NUP214: variants seen among roughly 807,000 people sequenced by gnomAD.
The protein encoded by NUP214 is nuclear pore complex protein Nup214.
A neutral mutation model predicts 196.2 loss-of-function variants in NUP214; 79 were observed. That is an observed-to-expected ratio of 0.40 (90% CI 0.34 to 0.49). NUP214 has a LOEUF of 0.49. Ranked by LOEUF, NUP214 falls within the 20% of genes least tolerant of loss-of-function variation. The pLI, the probability that NUP214 is intolerant of heterozygous loss-of-function variation, is 0.58. For synonymous variants in NUP214, 1,020 were observed against 990.5 expected (o/e 1.03, Z -0.56); for missense variants, 2,468 against 2,539.0 (o/e 0.97, Z 0.60).
chr9:131,139,230 C>G (rs1011441623), intron 9 of NUP214, 51 bp from the exon 10 acceptor site: 2 of 1,425,674 alleles, frequency 1.4e-6, no homozygotes, highest in Non-Finnish European at 1.8e-6. Flanking sequence ...ACCAACATGG[C>G]TTTTTCTTTT....
intron 32 of NUP214, 151 bp from the exon 33 acceptor site, chr9:131,228,009 T>G: frequency 1.4e-6 from 1 of 690,574 alleles, no homozygotes; most frequent in Non-Finnish European, 2.2e-6. Context: ...GGTGTTGCCC[T>G]TTACTCTAGT....
intron 27 of NUP214, among the ~76,000 whole-genome samples, chr9:131,192,842 G>C (rs761601840): frequency 6.7e-6 from 1 of 149,750 alleles, no homozygotes; most frequent in Non-Finnish European, 1.5e-5. Flanking sequence ...TTGGGAGGCT[G>C]AGGTGGGAGG....
chr9:131,171,924 G>A (rs1472054956), intron 21 of NUP214, among the ~76,000 whole-genome samples: 1 of 152,134 alleles, frequency 6.6e-6, no homozygotes, highest in Non-Finnish European at 1.5e-5. Flanking sequence ...TGATGTATAT[G>A]TGCCACATTT....
At chr9:131,223,299 T>C (rs2131095812) in intron 32 of NUP214, among the ~76,000 whole-genome samples, 1 of 152,232 alleles carries the variant, frequency 6.6e-6, no homozygotes, top group Middle Eastern at 3.4e-3. Flanking sequence ...CCCAAGTAGC[T>C]GGGATTACAG....
intron 17 of NUP214, among the ~76,000 whole-genome samples, chr9:131,157,575 C>T (rs1003644478): frequency 6.6e-6 from 1 of 151,220 alleles, no homozygotes; most frequent in Non-Finnish European, 1.5e-5. Flanking sequence ...TGTAGTTCTC[C>T]TGCCTCAGCC....
In NUP214 at chr9:131,146,004, A is replaced by C; in HGVS notation, c.1770-125A>C. The C allele has an allele frequency of 1.1e-6, 1 of 935,434 alleles. No homozygotes were observed. The highest frequency in any genetic ancestry group is 1.6e-6 in the Non-Finnish European group (1 of 628,676). 57.9% of individuals were successfully genotyped at this position (935,434 alleles called of 1,614,324 possible). ...AAACATTTTTGTTTCCTGAAGGCAA[A>C]AAGTATGTTATCTTTGTAAGTTAAC... is the stretch of plus-strand genomic sequence containing the variant. On this transcript the variant is annotated intron_variant, in intron 12 of 35. Coordinates refer to ENST00000359428, the MANE Select transcript of NUP214 (RefSeq NM_005085.4). The surrounding 1 kb of genome is among the most constrained non-coding windows in gnomAD (Gnocchi z 4.6).
intron 17 of NUP214, chr9:131,159,060 G>A (rs1434834444): frequency 4.9e-6 from 1 of 203,842 alleles, no homozygotes; most frequent in Non-Finnish European, 9.7e-6. Context: ...TAATTATAAA[G>A]TTTTTTTATG....
At chr9:131,195,171 T>G in intron 27 of NUP214, 62 bp from the exon 28 acceptor site, 2 of 1,154,538 alleles carry the variant, frequency 1.7e-6, no homozygotes, top group Non-Finnish European at 2.6e-6. Flanking sequence ...AAATGGAATA[T>G]TAAGAGGGCA....
At chr9:131,170,357 A>T (rs1832921347) in intron 21 of NUP214, among the ~76,000 whole-genome samples, 1 of 152,132 alleles carries the variant, frequency 6.6e-6, no homozygotes, top group African/African-American at 2.4e-5. Context: ...CTCAGCCTTC[A>T]AAGGAAAGTT....
intron 33 of NUP214, 55 bp from the exon 34 acceptor site, chr9:131,230,575 T>G (rs1834846374): frequency 6.2e-7 from 1 of 1,606,422 alleles, no homozygotes; most frequent in African/African-American, 1.3e-5. Flanking sequence ...GGCTTGCAGA[T>G]GGGCAAGTGG....
intron 17 of NUP214, chr9:131,153,201 A>C (rs1832325370): frequency 6.6e-6 from 1 of 152,104 alleles, no homozygotes; most frequent in Non-Finnish European, 1.5e-5. Flanking sequence ...CTGGAATTCC[A>C]GCGGGAAGCG....
intron 23 of NUP214, 112 bp from the exon 24 acceptor site, chr9:131,178,199 T>TA: frequency 1.4e-6 from 1 of 728,580 alleles, no homozygotes. Flanking sequence ...CTTCACATGA[T>TA]AAGGCTCTAA....
chr9:131,133,303 TG>T, intron 7 of NUP214, 94 bp downstream of exon 7: 41 of 661,234 alleles, frequency 6.2e-5, no homozygotes, highest in South Asian at 1.0e-4. Flanking sequence ...TTTGTGTTTG[TG>T]TTTTTTTTTT....
At chr9:131,207,656 C>T (rs1435503039) in intron 30 of NUP214, among the ~76,000 whole-genome samples, 1 of 152,236 alleles carries the variant, frequency 6.6e-6, no homozygotes, top group Non-Finnish European at 1.5e-5. Context: ...GATACAGAGG[C>T]CGCCTCTTGC....
In NUP214 at chr9:131,198,999, C is replaced by T; in HGVS notation, c.5505C>T (p.Ser1835=). The change falls in exon 29 of 36, where the codon AGC becomes AGT. Residue 1835 remains serine, a synonymous_variant. Transcript: ENST00000359428. The part of the protein sequence containing the change: ...ATTTAATSGF[S]FCQASGFGSS... Reference sequence around the variant, plus strand: ...CAACAGCAGCAACCTCTGGGTTCAGCTTTTGCCAAGCTTCAGGTAAGAATT... The same window carrying T: ...CAACAGCAGCAACCTCTGGGTTCAGTTTTTGCCAAGCTTCAGGTAAGAATT... 1 of 1,594,010 alleles carries T rather than the reference C, an allele frequency of 6.3e-7. No individual in the cohort carries two copies. Among genetic ancestry groups the T allele is most frequent in the Non-Finnish European group, 8.6e-7 (1 of 1,168,840 alleles).
chr9:131,167,599 T>C (rs1832822417), intron 21 of NUP214: 2 of 152,188 alleles, frequency 1.3e-5, no homozygotes, highest in South Asian at 4.1e-4. Context: ...AGTAAATGAG[T>C]GTTACAGTTG....
In NUP214 at chr9:131,221,656, A is replaced by G. The variant is rs1834557797; in HGVS notation, c.5750-1122A>G. Among the ~76,000 whole-genome samples the G allele has an allele frequency of 3.9e-5, 6 of 152,022 alleles. No individual in the cohort carries two copies. The South Asian group carries it at 1.2e-3, about 32-fold the overall frequency. On this transcript the variant is annotated intron_variant, in intron 31 of 35. Transcript: ENST00000359428. ...GAACACCTGACTGGCTTAGGGAGAG[A>G]CTGGTCCTTCATTACCCACCCAGTG...
intron 32 of NUP214, among the ~76,000 whole-genome samples, chr9:131,227,272 G>A (rs1435241680): frequency 6.6e-6 from 1 of 152,260 alleles, no homozygotes; most frequent in African/African-American, 2.4e-5. Flanking sequence ...ACCCTTGTCT[G>A]TGTGGCCACC....
chr9:131,204,892 A>G (rs1308300780), intron 30 of NUP214, among the ~76,000 whole-genome samples: 1 of 152,250 alleles, frequency 6.6e-6, no homozygotes, highest in Non-Finnish European at 1.5e-5. Flanking sequence ...AAGCAACTAG[A>G]GAAAAAAGAC....
Sources: allele counts gnomAD v4.1 joint callset (sites outside exome capture counted in the v4.1 genomes callset), GRCh38; gene constraint gnomAD v4.1.1; non-coding constraint Gnocchi (gnomAD v3.1); transcripts MANE v1.5; gene names NCBI Gene and HGNC (gene_info 2026-07-23, HGNC 2026-07-21).